The following NDUFA9 variants were observed in gnomAD, a reference collection of about 807,000 sequenced individuals.
The protein encoded by NDUFA9 is NADH:ubiquinone oxidoreductase subunit A9.
A neutral mutation model predicts 45.9 loss-of-function variants in NDUFA9; 23 were observed. The ratio of observed to expected loss-of-function variants is 0.50; its 90% CI spans 0.36 to 0.71. The LOEUF is 0.71. Ranked by LOEUF, NDUFA9 falls within the 30% of genes least tolerant of loss-of-function variation. NDUFA9 has a pLI of 0.00. For missense variants in NDUFA9, 466 were observed against 488.2 expected, an observed-to-expected ratio of 0.95 and a Z score of 0.43; for synonymous variants, 176 against 170.5, an observed-to-expected ratio of 1.03 and a Z score of -0.25.
At position 4,651,108 on chromosome 12, in the gene NDUFA9, T is replaced by A. The variant is rs528735094; in HGVS notation, c.49+1933T>A. Reference sequence around the variant, plus strand: ...TAATGTATGATTTATAATGTGTATATCATATTGGTACTACATAGAACGTGC... The same window carrying A: ...TAATGTATGATTTATAATGTGTATAACATATTGGTACTACATAGAACGTGC... On this transcript the variant is annotated intron_variant, in intron 1 of 10. Coordinates refer to ENST00000266544, the MANE Select transcript of NDUFA9 (RefSeq NM_005002.5). Among the ~76,000 whole-genome samples the A allele has an allele frequency of 1.6e-4, 25 of 152,202 alleles. 1 individual carries two copies. The highest frequency in any genetic ancestry group is 7.3e-5 in the Non-Finnish European group (5 of 68,044).
intron 8 of NDUFA9, among the ~76,000 whole-genome samples, chr12:4,680,875 A>G (rs1945948085): frequency 6.6e-6 from 1 of 152,254 alleles, no homozygotes; most frequent in Non-Finnish European, 1.5e-5. Context: ...AAAATGCATT[A>G]TAAGCACTGA....
chr12:4,660,242 C>T (rs2137466568), intron 5 of NDUFA9, among the ~76,000 whole-genome samples: 1 of 152,162 alleles, frequency 6.6e-6, no homozygotes, highest in East Asian at 1.9e-4. Flanking sequence ...GGCTGCGCTC[C>T]AGACCAATTA....
intron 8 of NDUFA9, among the ~76,000 whole-genome samples, chr12:4,678,461 C>A (rs1945933797): frequency 6.6e-6 from 1 of 151,844 alleles, no homozygotes; most frequent in South Asian, 2.1e-4. Flanking sequence ...TTAGACTTCA[C>A]CAAAATTAAA....
intron 6 of NDUFA9, among the ~76,000 whole-genome samples, chr12:4,664,901 C>T (rs1945844365): frequency 6.6e-6 from 1 of 152,148 alleles, no homozygotes; most frequent in Non-Finnish European, 1.5e-5. Flanking sequence ...AGTTGTTACC[C>T]TTTCTTTCTT....
intron 1 of NDUFA9, among the ~76,000 whole-genome samples, chr12:4,649,814 A>G (rs2137458553): frequency 1.3e-5 from 2 of 152,318 alleles, no homozygotes; most frequent in Middle Eastern, 6.8e-3. Context: ...GTGAAGAATG[A>G]AGGCTATGTT....
intron 8 of NDUFA9, among the ~76,000 whole-genome samples, chr12:4,673,515 G>A (rs1306617509): frequency 1.3e-5 from 2 of 152,128 alleles, no homozygotes; most frequent in Non-Finnish European, 2.9e-5. Context: ...CACAGCACGA[G>A]AACTTTGTGA....
intron 8 of NDUFA9, among the ~76,000 whole-genome samples, chr12:4,672,916 C>A (rs945969555): frequency 1.3e-5 from 2 of 152,210 alleles, no homozygotes; most frequent in African/African-American, 2.4e-5. Flanking sequence ...TGGATCCCTG[C>A]CCCCGTGTAT....
chr12:4,686,661 G>A (rs1465072695), intron 10 of NDUFA9, among the ~76,000 whole-genome samples: 1 of 152,094 alleles, frequency 6.6e-6, no homozygotes, highest in Non-Finnish European at 1.5e-5. Context: ...TCTGTATATA[G>A]AATGGCTCAT....
rs1946011423 is a variant in NDUFA9 at position 4,690,158 on chromosome 12, C to T, written c.*3050C>T. ...CATAGAGACTTCAAGCCACACCTTT[C>T]TAGGGATTCAGGTTGCACATTACCT... On this transcript the variant is annotated 3_prime_UTR_variant, in exon 11 of 11. Coordinates refer to ENST00000266544, the MANE Select transcript of NDUFA9 (RefSeq NM_005002.5). 1 of 152,204 alleles carries T rather than the reference C, an allele frequency of 6.6e-6. No homozygotes were observed. The highest frequency in any genetic ancestry group is 1.5e-5 in the Non-Finnish European group (1 of 68,060). The allele number at this position is 152,204 out of a possible 1,614,324, so 9.4% of individuals were successfully genotyped here. A position where few individuals can be genotyped will look rare whatever the true frequency, so the allele number is the denominator to read the frequency against.
At position 4,690,817 on chromosome 12, in the gene NDUFA9, A is replaced by G. The variant is rs978474236; in HGVS notation, c.*3709A>G. ...AAGAAAGGTCTCTGGAAGGATTAGC[A>G]AAAACTCCATAGAAAACGGATTTTT... is the stretch of plus-strand genomic sequence containing the variant. On this transcript the variant is annotated 3_prime_UTR_variant, in exon 11 of 11. Transcript: ENST00000266544. 3.9e-5 allele frequency: 6 copies of G among 152,264 alleles called. No individual in the cohort carries two copies. The highest frequency in any genetic ancestry group is 2.4e-5 in the African/African-American group (1 of 41,466). The allele number at this position is 152,264 out of a possible 1,614,324, so 9.4% of individuals were successfully genotyped here.
At chr12:4,664,027 A>C (rs1268574713) in intron 6 of NDUFA9, among the ~76,000 whole-genome samples, 1 of 152,196 alleles carries the variant, frequency 6.6e-6, no homozygotes, top group African/African-American at 2.4e-5. Flanking sequence ...TTCAGCTGAG[A>C]AGATTTCTAA....
chr12:4,684,737 C>G (rs868318760), intron 9 of NDUFA9, among the ~76,000 whole-genome samples: 4 of 151,782 alleles, frequency 2.6e-5, no homozygotes, highest in African/African-American at 9.7e-5. Context: ...GATAGGTGGC[C>G]TTTTCCGTTT....
chr12:4,660,265 G>T (rs956841829), intron 5 of NDUFA9, among the ~76,000 whole-genome samples: 1 of 152,118 alleles, frequency 6.6e-6, no homozygotes, highest in African/African-American at 2.4e-5. Context: ...ACAATTTCTG[G>T]GGTTGCAACT....
At chr12:4,658,699 C>T (rs4147678) in intron 4 of NDUFA9, among the ~76,000 whole-genome samples, 34,667 of 151,864 alleles carry the variant, frequency 0.23, 4,259 homozygotes, top group Middle Eastern at 0.38. Context: ...GTAATGACAG[C>T]AGAGCTGTCA....
chr12:4,675,217 A>G (rs916797060), intron 8 of NDUFA9, among the ~76,000 whole-genome samples: 2 of 152,242 alleles, frequency 1.3e-5, no homozygotes, highest in African/African-American at 4.8e-5. Flanking sequence ...GAAAGCAGGA[A>G]TGATCTAAAA....
chr12:4,667,512 C>CTGTT (rs1945859803), intron 6 of NDUFA9: 1 of 154,936 alleles, frequency 6.5e-6, no homozygotes, highest in African/African-American at 3.1e-5. Flanking sequence ...AATTTCTACT[C>CTGTT]TTTTTTTTTT....
intron 5 of NDUFA9, among the ~76,000 whole-genome samples, chr12:4,659,805 G>A (rs956693163): frequency 6.6e-6 from 1 of 152,180 alleles, no homozygotes; most frequent in Non-Finnish European, 1.5e-5. Context: ...ATGGAAGCCT[G>A]TTTGGAGTCA....
rs34604664 is a variant in NDUFA9, at chr12:4,688,757, G to GTA, written c.*1651_*1652dup. ...TTCTAGTTTATTCTCCTGTACACTAGTATGTCAGAATCAGCGTACTAGGGA... is the reference window on the plus strand; with the variant it reads ...TTCTAGTTTATTCTCCTGTACACTAGTATATGTCAGAATCAGCGTACTAGGGA... On this transcript the variant is annotated 3_prime_UTR_variant, in exon 11 of 11. Transcript: ENST00000266544. 0.41 allele frequency: 62,990 copies of GTA among 151,818 alleles called. 13,913 individuals carry two copies. Among genetic ancestry groups the GTA allele is most frequent in the Non-Finnish European group, 0.5 (33,623 of 67,878 alleles). 9.4% of individuals were successfully genotyped at this position (151,818 alleles called of 1,614,324 possible). A position where few individuals can be genotyped will look rare whatever the true frequency, so the allele number is the denominator to read the frequency against.
rs1945781190 is a variant in NDUFA9 at position 4,654,941 on chromosome 12, G to A, written c.318+19G>A. The stretch of plus-strand genomic sequence containing the variant: ...GTTTCTGGTAAGGGCCTTTATGACT[G>A]AATGAAGTTGACAAATATAAATTAC... On this transcript the variant is annotated intron_variant, in intron 3 of 10. Coordinates refer to ENST00000266544, the MANE Select transcript of NDUFA9 (RefSeq NM_005002.5). The A allele has an allele frequency of 3.8e-6, 6 of 1,574,738 alleles. No homozygotes were observed. Among genetic ancestry groups the A allele is most frequent in the Non-Finnish European group, 5.2e-6 (6 of 1,149,446 alleles).
Sources: allele counts gnomAD v4.1 joint callset (sites outside exome capture counted in the v4.1 genomes callset), GRCh38; gene constraint gnomAD v4.1.1; transcripts MANE v1.5; gene names NCBI Gene and HGNC (gene_info 2026-07-23, HGNC 2026-07-21).